Variants in PANK3 observed in about 807,000 individuals in gnomAD.
The protein encoded by PANK3 is hPanK3.
In PANK3, 20 loss-of-function variants were observed where a neutral mutation model predicts 39.4. The ratio of observed to expected loss-of-function variants is 0.51; its 90% CI spans 0.36 to 0.74. PANK3 has a LOEUF of 0.74. PANK3 is among the 30% of genes least tolerant of loss of function. The pLI, the probability that PANK3 is intolerant of heterozygous loss-of-function variation, is 0.00. For missense variants in PANK3, 265 were observed against 437.0 expected (o/e 0.61, Z 3.51); for synonymous variants, 140 against 157.3 (o/e 0.89, Z 0.82).
rs1185461896 is a variant in PANK3 at position 168,557,390 on chromosome 5, G to A, written c.*181C>T. On this transcript the variant is annotated 3_prime_UTR_variant, in exon 7 of 7. Transcript: ENST00000239231. The stretch of plus-strand genomic sequence containing the variant: ...TTTAACACTGGCTATATACAAAAGG[G>A]AAAGCATTTCAATGAGAAATACTTC... 3 of 590,632 alleles carry A rather than the reference G, an allele frequency of 5.1e-6. No homozygotes were observed. Among genetic ancestry groups the A allele is most frequent in the East Asian group, 5.6e-5 (2 of 35,608 alleles). The allele number at this position is 590,632 out of a possible 1,614,324, so 36.6% of individuals were successfully genotyped here.
intron 5 of PANK3, among the ~76,000 whole-genome samples, chr5:168,560,017 G>A (rs1303325603): frequency 6.6e-6 from 1 of 152,056 alleles, no homozygotes; most frequent in Non-Finnish European, 1.5e-5. Context: ...AACTTATTTC[G>A]ACTCTCACAC....
chr5:168,570,938 G>GTAGA (rs1200958238), intron 1 of PANK3, among the ~76,000 whole-genome samples: 1 of 152,114 alleles, frequency 6.6e-6, no homozygotes, highest in Non-Finnish European at 1.5e-5. Context: ...TGAAAAAAAT[G>GTAGA]GTATAGACCA....
chr5:168,579,173 G>T, intron 1 of PANK3, 83 bp downstream of exon 1: 1 of 1,309,916 alleles, frequency 7.6e-7, no homozygotes, highest in Non-Finnish European at 1.0e-6. Context: ...GACGGGCTTG[G>T]AAGCCGACCG....
chr5:168,557,740 C>T (rs1759372224), intron 6 of PANK3, 119 bp from the exon 7 acceptor site: 3 of 777,674 alleles, frequency 3.9e-6, no homozygotes, highest in Non-Finnish European at 5.9e-6. Flanking sequence ...TGGAAACCTA[C>T]CAATTTCTGC....
At chr5:168,574,551 C>T (rs1759701226) in intron 1 of PANK3, among the ~76,000 whole-genome samples, 1 of 152,092 alleles carries the variant, frequency 6.6e-6, no homozygotes, top group African/African-American at 2.4e-5. Context: ...CCTAATAGTT[C>T]CATGAGGTAA....
chr5:168,577,238 C>A lies in PANK3; in HGVS notation c.28+2018G>T, dbSNP rs550392815. On this transcript the variant is annotated intron_variant, in intron 1 of 6. Coordinates refer to ENST00000239231, the MANE Select transcript of PANK3 (RefSeq NM_024594.4). ...AATACCTTCTTTCCCACACACAAAA[C>A]GTCATGTTCCTTACTTTTACTACAA... Among the ~76,000 whole-genome samples, 267 of 152,146 alleles carry A rather than the reference C, an allele frequency of 1.8e-3. 1 individual carries two copies. The highest frequency in any genetic ancestry group is 6.9e-4 in the Non-Finnish European group (47 of 68,008).
intron 1 of PANK3, among the ~76,000 whole-genome samples, chr5:168,573,851 C>CA (rs1428824513): frequency 6.6e-6 from 1 of 152,084 alleles, no homozygotes; most frequent in African/African-American, 2.4e-5. Context: ...ATGAACTCAT[C>CA]CTTTTTTATG....
At position 168,549,640 on chromosome 5, in the gene PANK3, T is replaced by C. The variant is rs557109619; in HGVS notation, c.*7931A>G. 7.2e-5 allele frequency: 11 copies of C among 152,318 alleles called. No individual in the cohort carries two copies. In the South Asian group the frequency reaches 1.7e-3, roughly 23 times the overall value. The allele number at this position is 152,318 out of a possible 1,614,324, so 9.4% of individuals were successfully genotyped here. A position where few individuals can be genotyped will look rare whatever the true frequency, so the allele number is the denominator to read the frequency against. ...CTTTTAAATGCAAAATTAGTGGCAGTTGCAGCAAAAACGCCGAAATTCTAT... is the reference window on the plus strand; with the variant it reads ...CTTTTAAATGCAAAATTAGTGGCAGCTGCAGCAAAAACGCCGAAATTCTAT... On this transcript the variant is annotated 3_prime_UTR_variant, in exon 7 of 7. Transcript: ENST00000239231.
chr5:168,562,621 T>G (rs2113112918), intron 4 of PANK3, among the ~76,000 whole-genome samples: 1 of 152,252 alleles, frequency 6.6e-6, no homozygotes, highest in East Asian at 1.9e-4. Flanking sequence ...TTAAAATATT[T>G]AGGAATCAAT....
intron 3 of PANK3, 142 bp downstream of exon 3, chr5:168,565,871 A>C (rs1271463981): frequency 6.3e-6 from 1 of 158,724 alleles, no homozygotes; most frequent in Non-Finnish European, 1.1e-5. Context: ...AAAAAAAAAT[A>C]TATATATATA....
Position 168,553,271 on chromosome 5 carries a change from G to A in PANK3, c.*4300C>T, listed in dbSNP as rs1287907628. On this transcript the variant is annotated 3_prime_UTR_variant, in exon 7 of 7. Transcript: ENST00000239231. ...TTGAGAGCACTAAAGGTACCCCAAA[G>A]GGGAGTAGGCGAGATCTCTCCAATG... The A allele has an allele frequency of 1.1e-5, 6 of 528,268 alleles. No individual in the cohort carries two copies. Among genetic ancestry groups the A allele is most frequent in the Non-Finnish European group, 2.3e-5 (6 of 263,224 alleles). The allele number at this position is 528,268 out of a possible 1,614,324, so 32.7% of individuals were successfully genotyped here.
At chr5:168,568,223 G>C (rs1214017075) in intron 2 of PANK3, among the ~76,000 whole-genome samples, 1 of 152,182 alleles carries the variant, frequency 6.6e-6, no homozygotes, top group Non-Finnish European at 1.5e-5. Context: ...CTAACCAAAA[G>C]ACATTGGTTT....
rs1291579974 is a variant in PANK3, at chr5:168,549,276, T to TATA, written c.*8294_*8295insTAT. Reference sequence around the variant, plus strand: ...TGCTGTAAACTAAACTAAAACAGGTTACCCAGAAAAAAGTGGCAAATTCCA... The same window carrying TATA: ...TGCTGTAAACTAAACTAAAACAGGTTATAACCCAGAAAAAAGTGGCAAATTCCA... On this transcript the variant is annotated 3_prime_UTR_variant, in exon 7 of 7. Coordinates refer to ENST00000239231, the MANE Select transcript of PANK3 (RefSeq NM_024594.4). The TATA allele has an allele frequency of 6.6e-6, 1 of 152,170 alleles. No homozygotes were observed. Among genetic ancestry groups the TATA allele is most frequent in the East Asian group, 1.9e-4 (1 of 5,194 alleles). The allele number at this position is 152,170 out of a possible 1,614,324, so 9.4% of individuals were successfully genotyped here.
At position 168,555,196 on chromosome 5, in the gene PANK3, A is replaced by G. The variant is rs893566035; in HGVS notation, c.*2375T>C. On this transcript the variant is annotated 3_prime_UTR_variant, in exon 7 of 7. Coordinates refer to ENST00000239231, the MANE Select transcript of PANK3 (RefSeq NM_024594.4). ...TCTTAATAGAAATAAAATGTAAACC[A>G]TGTGTGATTTTATCTTTTCTAGTAA... is the stretch of plus-strand genomic sequence containing the variant. The G allele has an allele frequency of 3.9e-5, 6 of 152,210 alleles. No individual in the cohort carries two copies. Among genetic ancestry groups the G allele is most frequent in the African/African-American group, 1.2e-4 (5 of 41,450 alleles). 9.4% of individuals were successfully genotyped at this position (152,210 alleles called of 1,614,324 possible).
chr5:168,575,471 A>G (rs1242046007), intron 1 of PANK3, among the ~76,000 whole-genome samples: 1 of 152,184 alleles, frequency 6.6e-6, no homozygotes, highest in African/African-American at 2.4e-5. Flanking sequence ...TAACATAACT[A>G]TTTAATTGCT....
intron 2 of PANK3, among the ~76,000 whole-genome samples, chr5:168,566,824 ACC>A (rs1298675289): frequency 1.3e-5 from 2 of 151,840 alleles, no homozygotes; most frequent in Non-Finnish European, 2.9e-5. Flanking sequence ...GCTCACTGCA[ACC>A]TCCACCTCGT....
In PANK3 at chr5:168,569,012, A is replaced by T; in HGVS notation, c.29-14T>A. The T allele has an allele frequency of 3.5e-6, 1 of 284,032 alleles. No individual in the cohort carries two copies. Among genetic ancestry groups the T allele is most frequent in the Non-Finnish European group, 4.9e-6 (1 of 203,370 alleles). 17.6% of individuals were successfully genotyped at this position (284,032 alleles called of 1,614,324 possible). A position where few individuals can be genotyped will look rare whatever the true frequency, so the allele number is the denominator to read the frequency against. On this transcript the variant is annotated splice_polypyrimidine_tract_variant and intron_variant, in intron 1 of 6. Coordinates refer to ENST00000239231, the MANE Select transcript of PANK3 (RefSeq NM_024594.4). ...ACCATGGGAAAGCTATGGGAGGAAA[A>T]AAAAAAAAAAAAAAAAAAATATATA...
At chr5:168,558,408 T>C (rs1280638732) in intron 6 of PANK3, among the ~76,000 whole-genome samples, 1 of 151,788 alleles carries the variant, frequency 6.6e-6, no homozygotes, top group Non-Finnish European at 1.5e-5. Context: ...TCGTGATCCG[T>C]CCGCCTTGGC....
intron 1 of PANK3, among the ~76,000 whole-genome samples, chr5:168,571,189 A>G (rs1253665572): frequency 2.0e-5 from 3 of 152,182 alleles, no homozygotes; most frequent in Admixed American, 1.3e-4. Flanking sequence ...ATTGGCCACA[A>G]TCCTTATACT....
Sources: allele counts gnomAD v4.1 joint callset (sites outside exome capture counted in the v4.1 genomes callset), GRCh38; gene constraint gnomAD v4.1.1; transcripts MANE v1.5; gene names NCBI Gene and HGNC (gene_info 2026-07-23, HGNC 2026-07-21).